The following BLTP2 variants were observed in gnomAD, a reference collection of about 807,000 sequenced individuals.
BLTP2 encodes U937-associated antigen.
At chr17:28,624,275 G>A in the BLTP2 span, 1 of 1,614,196 alleles carries the variant, frequency 6.2e-7, no homozygotes, top group Admixed American at 1.7e-5. Context: ...GGTTGTATAT[G>A]TCATCCGTCT....
the BLTP2 span, chr17:28,635,149 C>T: frequency 1.7e-5 from 27 of 1,613,712 alleles, no homozygotes; most frequent in Non-Finnish European, 2.2e-5. Context: ...AACACGGTTC[C>T]GGAGGGTCTG....
chr17:28,637,291 T>C, the BLTP2 span: 2 of 772,690 alleles, frequency 2.6e-6, no homozygotes, highest in Non-Finnish European at 4.3e-6. Context: ...CCTAAGTTCA[T>C]TTCTTAGGTT....
chr17:28,637,697 A>T, the BLTP2 span: 1 of 692,814 alleles, frequency 1.4e-6, no homozygotes, highest in South Asian at 1.9e-5. Flanking sequence ...TTGGAGACAG[A>T]GTCTCGCTCG....
chr17:28,616,100 T>C, the BLTP2 span: 1 of 1,613,142 alleles, frequency 6.2e-7, no homozygotes, highest in Non-Finnish European at 8.5e-7. This position sits in a 1 kb window ranked among gnomAD's most constrained non-coding sequence, Gnocchi z 4.8. Flanking sequence ...GCAGACCTTG[T>C]AGCTGACACA....
the BLTP2 span, chr17:28,641,904 G>T: frequency 6.2e-7 from 1 of 1,613,170 alleles, no homozygotes; most frequent in Non-Finnish European, 8.5e-7. Context: ...CAGGGAACAG[G>T]CTTAGATGCT....
the BLTP2 span, chr17:28,640,491 G>C: frequency 6.5e-7 from 1 of 1,531,168 alleles, no homozygotes; most frequent in Middle Eastern, 1.7e-4. Flanking sequence ...ATACTAGGCT[G>C]GTTACAGAGA....
chr17:28,629,457 ATTTATTTATTT>A, the BLTP2 span, among the ~76,000 whole-genome samples: 1 of 151,738 alleles, frequency 6.6e-6, no homozygotes, highest in African/African-American at 2.4e-5. Flanking sequence ...CACCTGGCTA[ATTTATTTATTT>A]TTTATTTATT....
the BLTP2 span, among the ~76,000 whole-genome samples, chr17:28,626,922 A>G: frequency 2.0e-5 from 3 of 152,216 alleles, no homozygotes; most frequent in African/African-American, 7.2e-5. Context: ...GTTTATAGCC[A>G]GTTGGTGAGA....
chr17:28,634,142 G>A, the BLTP2 span: 17 of 1,474,284 alleles, frequency 1.2e-5, no homozygotes, highest in Middle Eastern at 1.8e-4. Context: ...GAGCACTCTC[G>A]GGCCTATCTT....
chr17:28,621,846 G>C, the BLTP2 span, among the ~76,000 whole-genome samples: 3 of 152,094 alleles, frequency 2.0e-5, no homozygotes, highest in Admixed American at 6.5e-5. Context: ...TGTTCCATTT[G>C]TGTTCTTGCT....
At chr17:28,616,234 C>T in the BLTP2 span, 2 of 1,599,624 alleles carry the variant, frequency 1.3e-6, no homozygotes, top group Non-Finnish European at 1.7e-6. This position sits in a 1 kb window ranked among gnomAD's most constrained non-coding sequence, Gnocchi z 4.8. Flanking sequence ...GCCCTGAATC[C>T]ATCAGAAGAA....
At chr17:28,617,230 G>A in the BLTP2 span, 1 of 1,612,178 alleles carries the variant, frequency 6.2e-7, no homozygotes, top group African/African-American at 1.3e-5. Context: ...AAAAAGACTT[G>A]CCTTATAGAC....
chr17:28,640,570 T>C, the BLTP2 span: 1 of 1,614,198 alleles, frequency 6.2e-7, no homozygotes, highest in Non-Finnish European at 8.5e-7. Flanking sequence ...CTCTTTTGAC[T>C]ATTCATGGAC....
the BLTP2 span, chr17:28,631,502 G>A: frequency 8.7e-6 from 14 of 1,614,148 alleles, no homozygotes; most frequent in Non-Finnish European, 1.2e-5. Flanking sequence ...CGATTGCTAT[G>A]CCGTTGGTAG....
chr17:28,638,119 A>G, the BLTP2 span: 11 of 1,609,912 alleles, frequency 6.8e-6, no homozygotes, highest in Non-Finnish European at 9.3e-6. Context: ...GACGGATCCC[A>G]TTAGAAGTAT....
the BLTP2 span, chr17:28,644,887 C>T: frequency 4.9e-6 from 5 of 1,019,140 alleles, no homozygotes; most frequent in Non-Finnish European, 7.3e-6. Flanking sequence ...CTGCCTCACG[C>T]GCCTCAGTAA....
chr17:28,631,778 A>T, the BLTP2 span: 2 of 1,605,302 alleles, frequency 1.2e-6, no homozygotes, highest in Non-Finnish European at 1.7e-6. Context: ...AGGGAAAAAC[A>T]AGGAACAGGA....
the BLTP2 span, chr17:28,632,181 G>T: frequency 1.2e-6 from 2 of 1,614,102 alleles, no homozygotes. Context: ...AAGTTGCCCA[G>T]AAGTTTTGCA....
chr17:28,616,658 T>G, the BLTP2 span: 2 of 1,614,194 alleles, frequency 1.2e-6, no homozygotes, highest in Non-Finnish European at 1.7e-6. This position sits in a 1 kb window ranked among gnomAD's most constrained non-coding sequence, Gnocchi z 4.8. Flanking sequence ...CATCACCAAC[T>G]TCATCATCTT....
Sources: gnomAD v4.1 joint callset for allele counts (sites outside exome capture counted in the v4.1 genomes callset) on GRCh38, gnomAD v4.1.1 for gene constraint, Gnocchi (gnomAD v3.1) non-coding constraint, MANE v1.5 for transcripts, NCBI Gene and HGNC (gene_info 2026-07-23, HGNC 2026-07-21) for gene names.